The following PIK3C3 variants were observed in gnomAD, a reference collection of about 807,000 sequenced individuals.
PIK3C3 encodes phosphatidylinositol 3-kinase catalytic subunit type 3, also known as PI3-kinase type 3.
Under a neutral mutation model 126.1 loss-of-function variants are expected in PIK3C3, and 95 were observed. That is an observed-to-expected ratio of 0.75 (90% CI 0.64 to 0.89). The LOEUF (loss-of-function observed/expected upper bound fraction) is 0.89. Ranked by LOEUF, PIK3C3 falls within the 40% of genes least tolerant of loss-of-function variation. PIK3C3 has a pLI of 0.00. For synonymous variants in PIK3C3, 374 were observed against 360.0 expected, an observed-to-expected ratio of 1.04 and a Z score of -0.44; for missense variants, 829 against 1,063.2, an observed-to-expected ratio of 0.78 and a Z score of 3.06.
At chr18:42,069,552 CT>C (rs1279546586) in intron 24 of PIK3C3, among the ~76,000 whole-genome samples, 19 of 152,104 alleles carry the variant, frequency 1.2e-4, no homozygotes, top group African/African-American at 4.3e-4. Context: ...GTGTGTACAC[CT>C]TATTTTTTTC....
intron 21 of PIK3C3, among the ~76,000 whole-genome samples, chr18:42,056,374 C>G (rs1467723080): frequency 6.6e-6 from 1 of 151,950 alleles, no homozygotes; most frequent in East Asian, 1.9e-4. Context: ...GATACATAGC[C>G]AATATTGGAA....
chr18:42,068,319 A>C (rs575355734), intron 24 of PIK3C3, among the ~76,000 whole-genome samples: 1 of 152,270 alleles, frequency 6.6e-6, no homozygotes, highest in African/African-American at 2.4e-5. Flanking sequence ...AAGGCCTTCT[A>C]GAATATTGTG....
At chr18:42,034,875 A>G (rs962924565) in intron 16 of PIK3C3, among the ~76,000 whole-genome samples, 1 of 152,236 alleles carries the variant, frequency 6.6e-6, no homozygotes, top group Non-Finnish European at 1.5e-5. Context: ...GAAACAGTTC[A>G]TATTTTTTAA....
rs1186457899 is a variant in PIK3C3, at chr18:42,064,833, A to T, written c.2523+3A>T. Reference sequence around the variant, plus strand: ...AACCAGATAAAACTGTGAAAAAGGTAATTTTTAAGTAACATAAATGAAGAG... The same window carrying T: ...AACCAGATAAAACTGTGAAAAAGGTTATTTTTAAGTAACATAAATGAAGAG... On this transcript the variant is annotated splice_donor_region_variant and intron_variant, in intron 23 of 24. Transcript: ENST00000262039. The T allele has an allele frequency of 6.8e-7, 1 of 1,472,190 alleles. No individual in the cohort carries two copies. The highest frequency in any genetic ancestry group is 9.5e-7 in the Non-Finnish European group (1 of 1,051,310). 91.2% of individuals were successfully genotyped at this position (1,472,190 alleles called of 1,614,324 possible).
At chr18:42,029,533 AATT>A (rs1983730205) in intron 15 of PIK3C3, 92 bp downstream of exon 15, 3 of 373,868 alleles carry the variant, frequency 8.0e-6, no homozygotes, top group South Asian at 3.2e-5. Flanking sequence ...TTGATACGTG[AATT>A]TTTTTTTTTT....
At chr18:42,041,560 T>G in intron 19 of PIK3C3, among the ~76,000 whole-genome samples, 1 of 148,628 alleles carries the variant, frequency 6.7e-6, no homozygotes, top group East Asian at 2.0e-4. Context: ...TTGTTATTTT[T>G]AAAATATAAT....
intron 22 of PIK3C3, among the ~76,000 whole-genome samples, chr18:42,063,832 A>G (rs545783215): frequency 1.3e-5 from 2 of 152,154 alleles, no homozygotes; most frequent in South Asian, 4.2e-4. Flanking sequence ...AGACAGTGCA[A>G]GGCGCTTGGT....
rs1986305674 is a variant in PIK3C3, at chr18:42,083,081, A to C, written c.*1944A>C. The C allele has an allele frequency of 6.6e-6, 1 of 152,210 alleles. No homozygotes were observed. The highest frequency in any genetic ancestry group is 1.5e-5 in the Non-Finnish European group (1 of 68,038). The allele number at this position is 152,210 out of a possible 1,614,324, so 9.4% of individuals were successfully genotyped here. ...AGGAAGGAGCATCTCTCAGGAGGGT[A>C]AACAGTAGCTGTGGTTTTGCTGAGA... On this transcript the variant is annotated 3_prime_UTR_variant, in exon 25 of 25. Coordinates refer to ENST00000262039, the MANE Select transcript of PIK3C3 (RefSeq NM_002647.4).
chr18:41,998,579 G>T (rs184141529), intron 9 of PIK3C3, among the ~76,000 whole-genome samples: 17 of 152,248 alleles, frequency 1.1e-4, no homozygotes, highest in Non-Finnish European at 1.5e-5. Flanking sequence ...ATGTGCAAAA[G>T]AAATAAAATG....
intron 20 of PIK3C3, among the ~76,000 whole-genome samples, chr18:42,047,186 A>G (rs1386083910): frequency 1.3e-5 from 2 of 152,206 alleles, no homozygotes; most frequent in African/African-American, 4.8e-5. Flanking sequence ...ACTGTAATTT[A>G]TAATTTAAAA....
At chr18:41,997,499 G>T (rs1007386152) in intron 9 of PIK3C3, among the ~76,000 whole-genome samples, 31 of 152,104 alleles carry the variant, frequency 2.0e-4, no homozygotes, top group Admixed American at 9.2e-4. Context: ...TACTTTGCCT[G>T]TATAAGCTTT....
At chr18:42,069,532 C>A (rs1339465600) in intron 24 of PIK3C3, among the ~76,000 whole-genome samples, 1 of 152,194 alleles carries the variant, frequency 6.6e-6, no homozygotes, top group African/African-American at 2.4e-5. Context: ...TGGCCACGGC[C>A]CATCTCTGTG....
intron 19 of PIK3C3, among the ~76,000 whole-genome samples, chr18:42,042,516 A>G (rs1984367897): frequency 6.6e-6 from 1 of 152,208 alleles, no homozygotes; most frequent in Admixed American, 6.5e-5. Flanking sequence ...GTAATAACCC[A>G]TATTACTCCA....
intron 16 of PIK3C3, among the ~76,000 whole-genome samples, chr18:42,034,535 G>A (rs1983962855): frequency 6.6e-6 from 1 of 152,074 alleles, no homozygotes; most frequent in Admixed American, 6.6e-5. Context: ...TGTTCCTGTT[G>A]AACCTTAAGT....
At chr18:41,983,010 A>G (rs900265150) in intron 4 of PIK3C3, among the ~76,000 whole-genome samples, 4 of 152,124 alleles carry the variant, frequency 2.6e-5, no homozygotes, top group African/African-American at 9.7e-5. Context: ...TTCATTTTCT[A>G]TTTATTTGAA....
At chr18:42,041,105 C>T (rs1372016022) in intron 19 of PIK3C3, among the ~76,000 whole-genome samples, 3 of 152,006 alleles carry the variant, frequency 2.0e-5, no homozygotes, top group Non-Finnish European at 2.9e-5. Flanking sequence ...TCGCTTGAAC[C>T]CGCGAGGTGG....
intron 24 of PIK3C3, among the ~76,000 whole-genome samples, chr18:42,074,028 C>G (rs1311103170): frequency 6.6e-6 from 1 of 152,134 alleles, no homozygotes; most frequent in Non-Finnish European, 1.5e-5. Context: ...GAGATCAGTA[C>G]TTGTGCTGGT....
At chr18:42,038,727 T>C in intron 17 of PIK3C3, 54 bp from the exon 18 acceptor site, 3 of 1,114,684 alleles carry the variant, frequency 2.7e-6, no homozygotes, top group Non-Finnish European at 4.0e-6. Flanking sequence ...CCCACAAAAC[T>C]GTCTTTTAAC....
intron 2 of PIK3C3, among the ~76,000 whole-genome samples, chr18:41,960,487 G>C (rs1446294008): frequency 6.6e-6 from 1 of 152,164 alleles, no homozygotes; most frequent in African/African-American, 2.4e-5. Flanking sequence ...AATGGTATGC[G>C]GTGATGGCGG....
Sources: allele counts gnomAD v4.1 joint callset (sites outside exome capture counted in the v4.1 genomes callset), GRCh38; gene constraint gnomAD v4.1.1; transcripts MANE v1.5; gene names NCBI Gene and HGNC (gene_info 2026-07-23, HGNC 2026-07-21).